Variants in TSKS observed in about 807,000 individuals in gnomAD.
TSKS encodes the protein testis specific serine kinase substrate.
In TSKS, 27 loss-of-function variants were observed where a neutral mutation model predicts 68.0. The ratio of observed to expected loss-of-function variants is 0.40; its 90% confidence interval spans 0.29 to 0.55. TSKS has a LOEUF of 0.55. TSKS is among the 20% of genes least tolerant of loss of function. The probability of loss-of-function intolerance (pLI) is 0.53; values close to 1 mark genes in which losing one functional copy is unlikely to be tolerated. For missense variants in TSKS, 806 were observed against 776.0 expected (o/e 1.04, Z -0.46); for synonymous variants, 331 against 340.4 (o/e 0.97, Z 0.30).
At chr19:49,748,493 G>A (rs1295207799) in intron 2 of TSKS, 24 bp from the exon 3 acceptor site, 2 of 1,606,818 alleles carry the variant, frequency 1.2e-6, no homozygotes, top group African/African-American at 1.3e-5. Context: ...GGAGACAGGT[G>A]AGTTAGTGGG....
In TSKS at chr19:49,745,286, T is replaced by C. The variant is rs759932955; in HGVS notation, c.1103A>G (p.Gln368Arg). 6.2e-6 allele frequency: 10 copies of C among 1,607,006 alleles called. No individual in the cohort carries two copies. Among genetic ancestry groups the C allele is most frequent in the East Asian group, 2.2e-5 (1 of 44,856 alleles). The change falls in exon 7 of 11, where the codon CAG becomes CGG. Residue 368 changes from glutamine to arginine, a missense_variant. Gln to Arg is a conservative substitution (Grantham distance 43). Transcript: ENST00000246801. Reference protein sequence around the residue: ...LGGRVDGFLGQWERAQREQAQ... With the variant: ...LGGRVDGFLGRWERAQREQAQ... ...CTGTTCGCGCTGTGCCCGCTCCCAC[T>C]GGCCTAGGAAGCCGTCGACCCTGCC... is the stretch of plus-strand genomic sequence containing the variant.
At chr19:49,748,241 G>C in intron 3 of TSKS, 73 bp from the exon 4 acceptor site, 18 of 1,581,982 alleles carry the variant, frequency 1.1e-5, no homozygotes, top group Non-Finnish European at 1.6e-5. Context: ...ATCTGGGCCT[G>C]GGAAGGTTCC....
intron 2 of TSKS, among the ~76,000 whole-genome samples, chr19:49,752,092 G>T (rs1303056450): frequency 2.7e-5 from 4 of 150,786 alleles, no homozygotes; most frequent in Non-Finnish European, 4.4e-5. Flanking sequence ...ACAAAAAAAT[G>T]TAACTCCCAG....
intron 2 of TSKS, among the ~76,000 whole-genome samples, chr19:49,761,045 TCAC>T (rs2123633587): frequency 6.6e-6 from 1 of 152,152 alleles, no homozygotes; most frequent in Non-Finnish European, 1.5e-5. Flanking sequence ...TGAGCCAAGA[TCAC>T]GCCATTGCAC....
At chr19:49,753,925 C>T (rs1291005859) in intron 2 of TSKS, among the ~76,000 whole-genome samples, 2 of 149,578 alleles carry the variant, frequency 1.3e-5, no homozygotes, top group African/African-American at 2.4e-5. Flanking sequence ...CCCTCTGTCC[C>T]CCAGGCTGGA....
At chr19:49,745,892 T>G (rs1290547047) in intron 6 of TSKS, among the ~76,000 whole-genome samples, 1 of 152,096 alleles carries the variant, frequency 6.6e-6, no homozygotes, top group Non-Finnish European at 1.5e-5. Flanking sequence ...CGCCTTCCGG[T>G]TAAGATCTAG....
intron 2 of TSKS, among the ~76,000 whole-genome samples, chr19:49,752,598 G>C (rs1342294397): frequency 1.3e-5 from 2 of 152,056 alleles, no homozygotes; most frequent in Non-Finnish European, 2.9e-5. Context: ...TGCAAGAATG[G>C]ACTAACATGG....
At chr19:49,751,948 C>T (rs1568564573) in intron 2 of TSKS, among the ~76,000 whole-genome samples, 1 of 150,806 alleles carries the variant, frequency 6.6e-6, no homozygotes, top group Non-Finnish European at 1.5e-5. Flanking sequence ...GTGGTGTGCA[C>T]CTGTAGTCCC....
chr19:49,749,774 C>G (rs1266160946), intron 2 of TSKS, among the ~76,000 whole-genome samples: 2 of 151,940 alleles, frequency 1.3e-5, no homozygotes, highest in Non-Finnish European at 2.9e-5. Flanking sequence ...CCATGCCCAG[C>G]AAAATTTTAA....
chr19:49,753,838 G>A (rs2123621109), intron 2 of TSKS, among the ~76,000 whole-genome samples: 1 of 151,070 alleles, frequency 6.6e-6, no homozygotes, highest in East Asian at 1.9e-4. Context: ...CTTATGAGTG[G>A]GGAGAATCTG....
intron 2 of TSKS, among the ~76,000 whole-genome samples, chr19:49,753,228 C>T (rs908311160): frequency 2.0e-5 from 3 of 152,096 alleles, no homozygotes; most frequent in African/African-American, 7.2e-5. Flanking sequence ...AAGTTCAAGA[C>T]CAGCCTGAGC....
intron 2 of TSKS, among the ~76,000 whole-genome samples, chr19:49,754,838 A>G (rs982412664): frequency 3.9e-5 from 6 of 152,162 alleles, no homozygotes; most frequent in African/African-American, 1.4e-4. Context: ...AATGGCTCAC[A>G]CCTGTAATCC....
At chr19:49,741,292 T>C (rs1025344703) in intron 9 of TSKS, among the ~76,000 whole-genome samples, 2 of 152,188 alleles carry the variant, frequency 1.3e-5, no homozygotes, top group African/African-American at 2.4e-5. Flanking sequence ...GCCACATCAA[T>C]GTCCCACAGT....
chr19:49,756,125 G>A (rs1226807571), intron 2 of TSKS, among the ~76,000 whole-genome samples: 1 of 152,074 alleles, frequency 6.6e-6, no homozygotes, highest in Non-Finnish European at 1.5e-5. Context: ...TATACATGGT[G>A]ACCAACTGGG....
At chr19:49,757,537 C>T (rs576192137) in intron 2 of TSKS, among the ~76,000 whole-genome samples, 32 of 152,306 alleles carry the variant, frequency 2.1e-4, no homozygotes, top group African/African-American at 6.5e-4. Flanking sequence ...AGTTACTAGC[C>T]GTATGACCTC....
intron 2 of TSKS, among the ~76,000 whole-genome samples, chr19:49,761,435 A>G (rs1198115514): frequency 6.6e-6 from 1 of 152,074 alleles, no homozygotes; most frequent in African/African-American, 2.4e-5. Flanking sequence ...CCCTCAGAGA[A>G]CTCCTACTCA....
intron 1 of TSKS, among the ~76,000 whole-genome samples, chr19:49,762,662 C>T (rs1329174359): frequency 6.6e-6 from 1 of 152,058 alleles, no homozygotes; most frequent in Non-Finnish European, 1.5e-5. Context: ...CTCCTGACCT[C>T]ATGATCCACC....
rs1600186011 is a variant in TSKS at position 49,742,055 on chromosome 19, A to G, written c.1362-35T>C. ...GGGCGGTCACCAGATAAAGAGGCCC[A>G]GTACCAACTCCAGGACGCCCCATGC... On this transcript the variant is annotated intron_variant, in intron 8 of 10. Coordinates refer to ENST00000246801, the MANE Select transcript of TSKS (RefSeq NM_021733.2). 11 of 1,609,584 alleles carry G rather than the reference A, an allele frequency of 6.8e-6. No homozygotes were observed. In the Admixed American group the frequency reaches 1.8e-4, roughly 27 times the overall value.
chr19:49,749,662 C>T (rs1394666407), intron 2 of TSKS, among the ~76,000 whole-genome samples: 1 of 152,092 alleles, frequency 6.6e-6, no homozygotes, highest in African/African-American at 2.4e-5. Flanking sequence ...CATTATTACC[C>T]TGGCTGGTGT....
Sources: gnomAD v4.1 joint callset for allele counts (sites outside exome capture counted in the v4.1 genomes callset) on GRCh38, gnomAD v4.1.1 for gene constraint, MANE v1.5 for transcripts, NCBI Gene and HGNC (gene_info 2026-07-23, HGNC 2026-07-21) for gene names.